The following KIAA0319L variants were observed in gnomAD, a reference collection of about 807,000 sequenced individuals.
The protein encoded by KIAA0319L is dyslexia-associated protein KIAA0319-like protein.
In KIAA0319L, 55 loss-of-function variants were observed where a neutral mutation model predicts 120.1. The ratio of observed to expected loss-of-function variants is 0.46; its 90% CI spans 0.37 to 0.57. The LOEUF (loss-of-function observed/expected upper bound fraction) is 0.57. Among genes scored for constraint, KIAA0319L ranks in the 20% least tolerant of loss-of-function variants. The pLI is 0.00. For synonymous variants in KIAA0319L, 398 were observed against 471.9 expected (o/e 0.84, Z 2.03); for missense variants, 1,049 against 1,255.3 (o/e 0.84, Z 2.48).
chr1:35,520,108 CTT>C (rs557915516), intron 2 of KIAA0319L, among the ~76,000 whole-genome samples: 3 of 142,820 alleles, frequency 2.1e-5, no homozygotes, highest in Non-Finnish European at 1.5e-5. Context: ...CTTTTCTTTT[CTT>C]TTTTTTTTTT....
intron 15 of KIAA0319L, 149 bp from the exon 16 acceptor site, chr1:35,448,481 G>A (rs577596340): frequency 7.3e-5 from 56 of 762,654 alleles, no homozygotes; most frequent in South Asian, 7.0e-4. Context: ...ATTCCTGATC[G>A]GGCAATCTGG....
rs537061847 is a variant in KIAA0319L, at chr1:35,533,877, A to G, written c.142+20473T>C. Among the ~76,000 whole-genome samples the G allele has an allele frequency of 1.1e-4, 17 of 152,236 alleles. 1 individual carries two copies. The East Asian group carries it at 3.3e-3, about 29-fold the overall frequency. On this transcript the variant is annotated intron_variant, in intron 2 of 20. Coordinates refer to ENST00000325722, the MANE Select transcript of KIAA0319L (RefSeq NM_024874.5). The stretch of plus-strand genomic sequence containing the variant: ...CTGTCAGCATGTCTGTCACCTGCAC[A>G]CCCACTAATAAACAAATACAAAAAA...
intron 16 of KIAA0319L, among the ~76,000 whole-genome samples, chr1:35,447,759 G>A (rs556183406): frequency 5.0e-4 from 76 of 151,768 alleles, no homozygotes; most frequent in African/African-American, 1.7e-3. Context: ...TTCTGTAGAG[G>A]TGGGGTCTTG....
chr1:35,540,043 G>A (rs2148490107), intron 2 of KIAA0319L, among the ~76,000 whole-genome samples: 2 of 152,300 alleles, frequency 1.3e-5, no homozygotes, highest in African/African-American at 4.8e-5. Flanking sequence ...AAAACATAAT[G>A]TTAAGCCAGT....
chr1:35,457,243 A>G (rs1642538181), intron 9 of KIAA0319L, among the ~76,000 whole-genome samples: 1 of 152,158 alleles, frequency 6.6e-6, no homozygotes, highest in Non-Finnish European at 1.5e-5. Flanking sequence ...TCAGAAACCA[A>G]ATCTTAAGAA....
intron 3 of KIAA0319L, among the ~76,000 whole-genome samples, chr1:35,482,634 G>T (rs983966975): frequency 3.9e-5 from 6 of 151,962 alleles, no homozygotes; most frequent in African/African-American, 1.5e-4. Context: ...TCTCCATGTT[G>T]GTCAGGCTGG....
At chr1:35,494,630 G>A (rs1030787379) in intron 3 of KIAA0319L, among the ~76,000 whole-genome samples, 10 of 149,418 alleles carry the variant, frequency 6.7e-5, no homozygotes, top group South Asian at 2.1e-4. Flanking sequence ...CCCCATCTCC[G>A]CTAAAATAAC....
Position 35,460,441 on chromosome 1 carries a change from G to A in KIAA0319L, c.1295-4C>T, listed in dbSNP as rs11804242. On this transcript the variant is annotated splice_polypyrimidine_tract_variant and splice_region_variant and intron_variant, in intron 8 of 20. Transcript: ENST00000325722. ...ATTTTATCATCATCAGTGCTTTCTT[G>A]ACCATAAAGAAACATCAGTTACAAC... The A allele has an allele frequency of 3.7e-3, 5,941 of 1,610,778 alleles. 186 individuals are homozygous for A. The African/African-American group carries it at 0.071, about 19-fold the overall frequency.
intron 2 of KIAA0319L, among the ~76,000 whole-genome samples, chr1:35,542,317 G>A (rs6662175): frequency 0.23 from 34,991 of 152,046 alleles, 8,589 homozygotes; most frequent in African/African-American, 0.58. Flanking sequence ...TTCAGTAACA[G>A]CACCCAGTAC....
intron 2 of KIAA0319L, among the ~76,000 whole-genome samples, chr1:35,508,825 T>C (rs549442782): frequency 1.2e-4 from 18 of 152,312 alleles, no homozygotes; most frequent in African/African-American, 4.1e-4. Context: ...TATTTTCTCA[T>C]ACTTAAGAGG....
intron 12 of KIAA0319L, among the ~76,000 whole-genome samples, chr1:35,452,946 A>C (rs981521613): frequency 6.6e-6 from 1 of 152,184 alleles, no homozygotes; most frequent in African/African-American, 2.4e-5. Flanking sequence ...TTCTTTTGCT[A>C]CTTGTGGGAT....
chr1:35,492,964 G>A (rs1021944018), intron 3 of KIAA0319L, among the ~76,000 whole-genome samples: 1 of 152,190 alleles, frequency 6.6e-6, no homozygotes, highest in Admixed American at 6.5e-5. Context: ...TTCCACACCA[G>A]CCTGGACAAC....
intron 16 of KIAA0319L, 49 bp from the exon 17 acceptor site, chr1:35,444,352 C>A: frequency 6.6e-7 from 1 of 1,510,442 alleles, no homozygotes; most frequent in Non-Finnish European, 8.9e-7. Context: ...TCCATACCTG[C>A]AGCAACAGCT....
intron 2 of KIAA0319L, chr1:35,510,027 T>C (rs999443841): frequency 3.9e-5 from 6 of 152,606 alleles, no homozygotes; most frequent in Admixed American, 3.3e-4. Flanking sequence ...AGTGTCATGA[T>C]AGAAAGAGGC....
chr1:35,520,542 T>C (rs567927075), intron 2 of KIAA0319L, among the ~76,000 whole-genome samples: 2 of 152,192 alleles, frequency 1.3e-5, no homozygotes, highest in South Asian at 4.1e-4. Context: ...TACACATGTG[T>C]GCCACTACAC....
At chr1:35,495,947 A>G (rs759349711) in intron 3 of KIAA0319L, among the ~76,000 whole-genome samples, 19 of 152,188 alleles carry the variant, frequency 1.2e-4, no homozygotes, top group Non-Finnish European at 2.2e-4. Context: ...TGCAAACCAA[A>G]ACCACAATGA....
At chr1:35,454,204 GAAAGC>G (rs1642270215) in intron 11 of KIAA0319L, 153 bp downstream of exon 11, 1 of 666,598 alleles carries the variant, frequency 1.5e-6, no homozygotes, top group Non-Finnish European at 2.5e-6. Flanking sequence ...TAGCTATGAA[GAAAGC>G]ACAAGGGGAA....
intron 7 of KIAA0319L, among the ~76,000 whole-genome samples, chr1:35,463,856 T>C (rs1643069251): frequency 6.6e-6 from 1 of 152,092 alleles, no homozygotes; most frequent in Non-Finnish European, 1.5e-5. Context: ...GTCTTTCCTG[T>C]GCTGTTCTCA....
At chr1:35,514,288 GA>G (rs1471282764) in intron 2 of KIAA0319L, among the ~76,000 whole-genome samples, 1 of 151,318 alleles carries the variant, frequency 6.6e-6, no homozygotes, top group Non-Finnish European at 1.5e-5. Context: ...GGCAAGAGAT[GA>G]AAGTAAACAC....
Sources: gnomAD v4.1 joint callset for allele counts (sites outside exome capture counted in the v4.1 genomes callset) on GRCh38, gnomAD v4.1.1 for gene constraint, MANE v1.5 for transcripts, NCBI Gene and HGNC (gene_info 2026-07-23, HGNC 2026-07-21) for gene names.